The following DNAH2 variants were observed in gnomAD, a reference collection of about 807,000 sequenced individuals.
The protein encoded by DNAH2 is dynein axonemal heavy chain 2, also known as axonemal beta dynein heavy chain 2.
Under a neutral mutation model 523.5 loss-of-function variants are expected in DNAH2, and 323 were observed. The observed-to-expected ratio is 0.62, with a 90% CI of 0.56 to 0.68. The LOEUF is 0.68. Among genes scored for constraint, DNAH2 ranks in the 30% least tolerant of loss-of-function variants. DNAH2 has a pLI of 0.00. For missense variants in DNAH2, 4,907 were observed against 5,701.5 expected (o/e 0.86, Z 4.49); for synonymous variants, 2,093 against 2,177.4 (o/e 0.96, Z 1.08).
In DNAH2 at chr17:7,787,893, A is replaced by G. The variant is rs755316732; in HGVS notation, c.6637A>G (p.Met2213Val). Residue 2213 changes from methionine to valine, a missense_variant, in exon 43 of 86, where the codon ATG becomes GTG. By Grantham distance (21) the Met-to-Val change is conservative. Transcript: ENST00000572933. ...CCTGTTTGAAGTGGAGGACCTGGCA[A>G]TGGCCTCTCCGGCCACTGTATCCCG... ...SLLFEVEDLA[M>V]ASPATVSRCG... 2 of 1,614,080 alleles carry G rather than the reference A, an allele frequency of 1.2e-6. No individual in the cohort carries two copies. The highest frequency in any genetic ancestry group is 8.5e-7 in the Non-Finnish European group (1 of 1,179,976).
chr17:7,818,573 G>T (rs747811141), intron 69 of DNAH2, 70 bp from the exon 70 acceptor site: 2 of 1,604,436 alleles, frequency 1.2e-6, no homozygotes, highest in East Asian at 2.2e-5. Context: ...GTCTTTCAAG[G>T]TGGAAAGAGA....
In DNAH2 at chr17:7,786,999, T is replaced by G; in HGVS notation, c.6569T>G (p.Leu2190Arg). 1 of 1,614,184 alleles carries G rather than the reference T, an allele frequency of 6.2e-7. No homozygotes were observed. The highest frequency in any genetic ancestry group is 8.5e-7 in the Non-Finnish European group (1 of 1,180,032). ...SVMDDNKVLT[L>R]INGERIAMPE... Reference sequence around the variant, plus strand: ...ATGGACGATAACAAGGTGTTGACCCTCATCAACGGCGAGCGCATCGCGATG... The same window carrying G: ...ATGGACGATAACAAGGTGTTGACCCGCATCAACGGCGAGCGCATCGCGATG... The change falls in exon 42 of 86, where the codon CTC becomes CGC. Residue 2190 changes from leucine (L) to arginine (R), a missense_variant. Physicochemically the swap from Leu to Arg is moderately radical, Grantham distance 102 (BLOSUM62 -2). This residue lies in a region of DNAH2 where 2,806 missense variants were observed against 3,190.8 expected (regional missense o/e 0.88). Transcript: ENST00000572933. This position sits in a 1 kb window ranked among gnomAD's most constrained non-coding sequence, Gnocchi z 7.5.
At chr17:7,813,598 A>G (rs752217573) in intron 63 of DNAH2, among the ~76,000 whole-genome samples, 10 of 152,206 alleles carry the variant, frequency 6.6e-5, no homozygotes, top group Non-Finnish European at 1.0e-4. Flanking sequence ...TATAGCATAT[A>G]ACCACTGATT....
In DNAH2 at chr17:7,832,572, TC is replaced by T. The variant is rs756728159; in HGVS notation, c.12727-3del. The T allele has an allele frequency of 7.4e-6, 12 of 1,613,412 alleles. No homozygotes were observed. The South Asian group carries it at 1.2e-4, about 16-fold the overall frequency. ...AATGAGTGAATACACACGCACTCCT[TC>T]CCCAGGCATACCCCTCACAAAAGCC... On this transcript the variant is annotated splice_polypyrimidine_tract_variant and splice_region_variant and intron_variant, in intron 82 of 85. Transcript: ENST00000572933. This position sits in a 1 kb window ranked among gnomAD's most constrained non-coding sequence, Gnocchi z 4.3.
In DNAH2 at chr17:7,754,509, G is replaced by T; in HGVS notation, c.1905-2582G>T. On this transcript the variant is annotated intron_variant, in intron 12 of 85. Transcript: ENST00000572933. The surrounding 1 kb of genome is among the most constrained non-coding windows in gnomAD (Gnocchi z 4.6). Reference sequence around the variant, plus strand: ...AGGGGGTGGACTCCAAGTTCCTGAGGAACATGCGCTTTGCCAAGAAGCACA... The same window carrying T: ...AGGGGGTGGACTCCAAGTTCCTGAGTAACATGCGCTTTGCCAAGAAGCACA... The T allele has an allele frequency of 2.3e-6, 2 of 864,474 alleles. No individual in the cohort carries two copies. Among genetic ancestry groups the T allele is most frequent in the Non-Finnish European group, 3.7e-6 (2 of 537,496 alleles). The allele number at this position is 864,474 out of a possible 1,614,324, so 53.6% of individuals were successfully genotyped here.
intron 58 of DNAH2, among the ~76,000 whole-genome samples, chr17:7,802,962 C>T (rs781721208): frequency 4.6e-5 from 7 of 152,208 alleles, no homozygotes; most frequent in African/African-American, 7.2e-5. Flanking sequence ...CATGAGCCAC[C>T]GTGCCCAGAC....
rs763148087 is a variant in DNAH2, at chr17:7,733,090, C to A, written c.403C>A (p.Gln135Lys). The A allele has an allele frequency of 5.7e-5, 92 of 1,613,964 alleles. No homozygotes were observed. Among genetic ancestry groups the A allele is most frequent in the Non-Finnish European group, 7.6e-5 (90 of 1,180,018 alleles). ...TGATCTGCTGTCTTCCATGCAGACCCAGAACCAGCTTGTCTACTTCATTCG... is the reference window on the plus strand; with the variant it reads ...TGATCTGCTGTCTTCCATGCAGACCAAGAACCAGCTTGTCTACTTCATTCG... ...KLELGMPVQT[Q>K]NQLVYFIRQA... The change falls in exon 5 of 86, where the codon CAG (glutamine) becomes AAG (lysine). Residue 135 changes from glutamine to lysine, a missense_variant. Around this residue, in one of 3 missense-constraint regions of DNAH2, gnomAD observed 2,806 missense variants for 3,190.8 expected, o/e 0.88. Transcript: ENST00000572933.
At chr17:7,778,243 C>T in intron 34 of DNAH2, 37 bp from the exon 35 acceptor site, 3 of 1,613,958 alleles carry the variant, frequency 1.9e-6, no homozygotes, top group Non-Finnish European at 2.5e-6. Flanking sequence ...AGAGAGGCTT[C>T]CAGGAGTCTG....
Position 7,798,084 on chromosome 17 carries a change from C to T in DNAH2, c.8231-73C>T, listed in dbSNP as rs1273794578. 6.6e-7 allele frequency: 1 copy of T among 1,509,614 alleles called. No homozygotes were observed. Among genetic ancestry groups the T allele is most frequent in the Non-Finnish European group, 8.8e-7 (1 of 1,131,770 alleles). 93.5% of individuals were successfully genotyped at this position (1,509,614 alleles called of 1,614,324 possible). A position where few individuals can be genotyped will look rare whatever the true frequency, so the allele number is the denominator to read the frequency against. On this transcript the variant is annotated intron_variant, in intron 53 of 85. Coordinates refer to ENST00000572933, the MANE Select transcript of DNAH2 (RefSeq NM_020877.5). The surrounding 1 kb of genome is among the most constrained non-coding windows in gnomAD (Gnocchi z 5.5). ...TGCTTCAGTTTCAGGGGCCCCAATCCCTAGCCTAGGGCCTGGAGGTCCCCT... is the reference window on the plus strand; with the variant it reads ...TGCTTCAGTTTCAGGGGCCCCAATCTCTAGCCTAGGGCCTGGAGGTCCCCT...
In DNAH2 at chr17:7,734,219, A is replaced by G; in HGVS notation, c.665A>G (p.Tyr222Cys). 4 of 1,604,732 alleles carry G rather than the reference A, an allele frequency of 2.5e-6. No homozygotes were observed. Among genetic ancestry groups the G allele is most frequent in the Non-Finnish European group, 3.4e-6 (4 of 1,175,318 alleles). The change falls in exon 6 of 86, where the codon TAC becomes TGC. Residue 222 changes from tyrosine to cysteine, a missense_variant. Transcript: ENST00000572933. ...AAACTGGAGGGGCACACGGTCCTCT[A>G]CATCCCTGCAGAGGCCATGAACATG... ...RYKLEGHTVL[Y>C]IPAEAMNMKP... is the part of the protein sequence containing the mutation.
Position 7,821,404 on chromosome 17 carries a change from T to C in DNAH2, c.11142+35T>C, listed in dbSNP as rs1294203584. 6 of 1,598,036 alleles carry C rather than the reference T, an allele frequency of 3.8e-6. No individual in the cohort carries two copies. In the African/African-American group the frequency reaches 8.0e-5, roughly 21 times the overall value. On this transcript the variant is annotated intron_variant, in intron 73 of 85. Coordinates refer to ENST00000572933, the MANE Select transcript of DNAH2 (RefSeq NM_020877.5). This position sits in a 1 kb window ranked among gnomAD's most constrained non-coding sequence, Gnocchi z 5.0. ...GCAGAGAGCACATCCCAGGATGGGATGGTCAAGGTTGGGGATGAGGGCAAG... is the reference window on the plus strand; with the variant it reads ...GCAGAGAGCACATCCCAGGATGGGACGGTCAAGGTTGGGGATGAGGGCAAG...
intron 7 of DNAH2, among the ~76,000 whole-genome samples, chr17:7,736,291 GA>G (rs1303480752): frequency 2.0e-5 from 3 of 152,200 alleles, no homozygotes; most frequent in African/African-American, 7.2e-5. Flanking sequence ...CTTCCTAGGT[GA>G]AAATTTCAGC....
chr17:7,740,665 G>C, intron 10 of DNAH2, 116 bp downstream of exon 10: 3 of 1,538,282 alleles, frequency 2.0e-6, no homozygotes, highest in Non-Finnish European at 2.6e-6. Context: ...GCATTCGGGC[G>C]CCTCTTGTCT....
rs542435235 is a variant in DNAH2, at chr17:7,794,543, G to C, written c.7674+185G>C. 3.9e-5 allele frequency among the ~76,000 whole-genome samples: 6 copies of C among 152,242 alleles called. 1 individual carries two copies. The highest frequency in any genetic ancestry group is 1.2e-4 in the African/African-American group (5 of 41,540). The stretch of plus-strand genomic sequence containing the variant: ...GCTAGGAGAGCTACGGGTTGGAAGC[G>C]TACCTTCCTGGCTGTGGACAAGGAA... On this transcript the variant is annotated intron_variant, in intron 49 of 85. Coordinates refer to ENST00000572933, the MANE Select transcript of DNAH2 (RefSeq NM_020877.5).
intron 39 of DNAH2, among the ~76,000 whole-genome samples, chr17:7,784,133 T>G (rs2076673964): frequency 6.6e-6 from 1 of 152,162 alleles, no homozygotes; most frequent in African/African-American, 2.4e-5. Context: ...TATTTCATAA[T>G]AATAAAAGTT....
At chr17:7,725,094 T>A (rs2074753903) in intron 3 of DNAH2, among the ~76,000 whole-genome samples, 1 of 151,372 alleles carries the variant, frequency 6.6e-6, no homozygotes, top group South Asian at 2.1e-4. Context: ...TTATTTGTAT[T>A]ATTATTATTT....
At chr17:7,726,007 T>C (rs1173723589) in intron 3 of DNAH2, among the ~76,000 whole-genome samples, 1 of 151,982 alleles carries the variant, frequency 6.6e-6, no homozygotes, top group Admixed American at 6.6e-5. Flanking sequence ...TATTTATTTG[T>C]TTGTTTATTT....
At chr17:7,753,729 C>T (rs1269232557) in intron 12 of DNAH2, among the ~76,000 whole-genome samples, 2 of 152,098 alleles carry the variant, frequency 1.3e-5, no homozygotes, top group African/African-American at 4.8e-5. Context: ...GGGCGGATCA[C>T]CTGAGGTCAG....
In DNAH2 at chr17:7,723,518, C is replaced by A; in HGVS notation, c.167-110C>A. 5 of 832,856 alleles carry A rather than the reference C, an allele frequency of 6.0e-6. No homozygotes were observed. The South Asian group carries it at 6.9e-5, about 12-fold the overall frequency. 51.6% of individuals were successfully genotyped at this position (832,856 alleles called of 1,614,324 possible). ...AACTCCTGACCTCAGGTGATCCTCC[C>A]GCCTAGTACTCCCAAAGTGCTAGGA... On this transcript the variant is annotated intron_variant, in intron 2 of 85. Transcript: ENST00000572933.
Sources: allele counts gnomAD v4.1 joint callset (sites outside exome capture counted in the v4.1 genomes callset), GRCh38; gene constraint gnomAD v4.1.1; regional missense constraint gnomAD v4.1.1; non-coding constraint Gnocchi (gnomAD v3.1); transcripts MANE v1.5; gene names NCBI Gene and HGNC (gene_info 2026-07-23, HGNC 2026-07-21).